Variants in TMEM132D observed in about 807,000 individuals in gnomAD.
The protein encoded by TMEM132D is transmembrane protein 132D, also known as mature OL transmembrane protein.
A neutral mutation model predicts 62.3 loss-of-function variants in TMEM132D; 21 were observed. The ratio of observed to expected loss-of-function variants is 0.34; its 90% CI spans 0.24 to 0.49. The LOEUF (loss-of-function observed/expected upper bound fraction) is 0.49, where lower values mean the gene tolerates loss of function less well. Ranked by LOEUF, TMEM132D falls within the 20% of genes least tolerant of loss-of-function variation. The probability of loss-of-function intolerance (pLI) is 0.99; values close to 1 mark genes in which losing one functional copy is unlikely to be tolerated. For missense variants in TMEM132D, 1,346 were observed against 1,402.8 expected (o/e 0.96, Z 0.65); for synonymous variants, 621 against 575.6 (o/e 1.08, Z -1.13).
chr12:129,178,997 T>C (rs1486545196), intron 5 of TMEM132D, among the ~76,000 whole-genome samples: 1 of 152,136 alleles, frequency 6.6e-6, no homozygotes, highest in African/African-American at 2.4e-5. Context: ...GGCTTCTTGA[T>C]CATAAATCAT....
At chr12:129,392,791 C>G (rs12230366) in intron 3 of TMEM132D, among the ~76,000 whole-genome samples, 21,959 of 152,210 alleles carry the variant, frequency 0.14, 1,770 homozygotes, top group East Asian at 0.3. Flanking sequence ...TTGTAAACAT[C>G]TGCACTACAC....
At chr12:129,756,783 C>T (rs1315879600) in intron 1 of TMEM132D, among the ~76,000 whole-genome samples, 1 of 152,124 alleles carries the variant, frequency 6.6e-6, no homozygotes. Context: ...TAATTGAAAC[C>T]TAGCTTGTTC....
intron 4 of TMEM132D, among the ~76,000 whole-genome samples, chr12:129,331,242 T>C (rs1869092932): frequency 6.6e-6 from 1 of 152,240 alleles, no homozygotes; most frequent in South Asian, 2.1e-4. Context: ...CACATTTGAT[T>C]CTTCACTTTT....
At chr12:129,877,626 CACAGAG>C (rs1391947998) in intron 1 of TMEM132D, among the ~76,000 whole-genome samples, 25 of 142,762 alleles carry the variant, frequency 1.8e-4, no homozygotes, top group Non-Finnish European at 3.5e-4. Context: ...CACACACACA[CACAGAG>C]AGAGAGAGAG....
chr12:129,140,042 T>C (rs904424872), intron 5 of TMEM132D, among the ~76,000 whole-genome samples: 1 of 152,102 alleles, frequency 6.6e-6, no homozygotes, highest in Non-Finnish European at 1.5e-5. Context: ...AAATCATCCT[T>C]GAACTTTTCC....
intron 2 of TMEM132D, among the ~76,000 whole-genome samples, chr12:129,545,275 T>C (rs540447239): frequency 3.3e-5 from 5 of 152,308 alleles, no homozygotes; most frequent in South Asian, 4.1e-4. Flanking sequence ...CCTACTGGCA[T>C]TGGGGCCCTG....
rs71449392 is a variant in TMEM132D, at chr12:129,130,013, C to CTCTGTGTGTGTG, written c.1444-45323_1444-45312dup. Among the ~76,000 whole-genome samples, 464 of 66,170 alleles carry CTCTGTGTGTGTG rather than the reference C, an allele frequency of 7.0e-3. 1 individual carries two copies. Among genetic ancestry groups the CTCTGTGTGTGTG allele is most frequent in the East Asian group, 0.031 (85 of 2,754 alleles). The allele number at this position is 66,170 out of a possible 152,430, so 43.4% of individuals were successfully genotyped here. A position where few individuals can be genotyped will look rare whatever the true frequency, so the allele number is the denominator to read the frequency against. ...TGCAAGCTCAAAAATCAAAGCTCTG[C>CTCTGTGTGTGTG]TCTGTGTGTGTGTGTGTGTGTGTGT... On this transcript the variant is annotated intron_variant, in intron 5 of 8. Coordinates refer to ENST00000422113, the MANE Select transcript of TMEM132D (RefSeq NM_133448.3).
chr12:129,439,893 G>A (rs527339370), intron 3 of TMEM132D, among the ~76,000 whole-genome samples: 1 of 152,302 alleles, frequency 6.6e-6, no homozygotes, highest in East Asian at 1.9e-4. Flanking sequence ...TGACAGGTGA[G>A]CGAAAGTGAC....
At chr12:129,820,412 C>T (rs1010280992) in intron 1 of TMEM132D, among the ~76,000 whole-genome samples, 3 of 152,168 alleles carry the variant, frequency 2.0e-5, no homozygotes, top group Admixed American at 1.3e-4. Context: ...GGCAGAGCTA[C>T]GGCACAAGCC....
At chr12:129,698,543 GGGGAGGGGAGGGGAGAAGGGAGGGGAGAA>G (rs1881266596) in intron 2 of TMEM132D, among the ~76,000 whole-genome samples, 1 of 21,210 alleles carries the variant, frequency 4.7e-5, no homozygotes, top group African/African-American at 1.8e-4. Context: ...GGGGAAGGGA[GGGGAGGGGAGGGGAGAAGGGAGGGGAGAA>G]GGGAGGGGAG....
At chr12:129,852,380 C>CAA (rs1460019088) in intron 1 of TMEM132D, 1 of 151,832 alleles carries the variant, frequency 6.6e-6, no homozygotes, top group Non-Finnish European at 1.5e-5. Context: ...CCTGTCTCTG[C>CAA]AAAAAATACA....
At chr12:129,118,174 T>C (rs1026959499) in intron 5 of TMEM132D, among the ~76,000 whole-genome samples, 1 of 152,246 alleles carries the variant, frequency 6.6e-6, no homozygotes, top group African/African-American at 2.4e-5. Context: ...TTCTTCTCAA[T>C]AAGTTTCAGG....
At chr12:129,113,905 A>C (rs975323896) in intron 5 of TMEM132D, among the ~76,000 whole-genome samples, 1 of 151,958 alleles carries the variant, frequency 6.6e-6, no homozygotes, top group Non-Finnish European at 1.5e-5. Flanking sequence ...GGTAGATGAG[A>C]TTGAGACTCT....
rs187616456 is a variant in TMEM132D at position 129,735,514 on chromosome 12, C to T, written c.80-34816G>A. Among the ~76,000 whole-genome samples the T allele has an allele frequency of 3.0e-3, 451 of 152,066 alleles. 3 individuals are homozygous for T. Among genetic ancestry groups the T allele is most frequent in the Non-Finnish European group, 4.2e-3 (287 of 67,982 alleles). ...ATTTTAGAAACAAAAATACAGGACC[C>T]TATATACTTACGAAAATAAACATGT... On this transcript the variant is annotated intron_variant, in intron 1 of 8. Coordinates refer to ENST00000422113, the MANE Select transcript of TMEM132D (RefSeq NM_133448.3).
At chr12:129,784,896 T>C (rs1487438744) in intron 1 of TMEM132D, among the ~76,000 whole-genome samples, 2 of 152,192 alleles carry the variant, frequency 1.3e-5, no homozygotes, top group Non-Finnish European at 2.9e-5. Context: ...TTCTGAGGGA[T>C]GGACCACAGC....
chr12:129,136,437 T>C (rs1036030737), intron 5 of TMEM132D, among the ~76,000 whole-genome samples: 3 of 152,196 alleles, frequency 2.0e-5, no homozygotes, highest in Non-Finnish European at 4.4e-5. Context: ...AGAATGTTCC[T>C]CAGTTTGGAT....
chr12:129,600,122 C>T (rs1345564686), intron 2 of TMEM132D, among the ~76,000 whole-genome samples: 3 of 152,258 alleles, frequency 2.0e-5, no homozygotes, highest in African/African-American at 7.2e-5. Flanking sequence ...TCACACCCTG[C>T]TGTTGCTTTA....
intron 3 of TMEM132D, among the ~76,000 whole-genome samples, chr12:129,400,390 C>T (rs7133549): frequency 0.32 from 48,307 of 151,976 alleles, 8,860 homozygotes; most frequent in African/African-American, 0.51. Flanking sequence ...GTTCTTGTTG[C>T]TCTGTTTTGT....
At chr12:129,301,662 C>T (rs1881717580) in intron 4 of TMEM132D, among the ~76,000 whole-genome samples, 1 of 152,132 alleles carries the variant, frequency 6.6e-6, no homozygotes, top group Non-Finnish European at 1.5e-5. Context: ...TATTGAGTAC[C>T]CACTTTGTCT....
Sources: allele counts gnomAD v4.1 joint callset (sites outside exome capture counted in the v4.1 genomes callset), GRCh38; gene constraint gnomAD v4.1.1; transcripts MANE v1.5; gene names NCBI Gene and HGNC (gene_info 2026-07-23, HGNC 2026-07-21).